RCN2: variants seen among roughly 807,000 people sequenced by gnomAD.
RCN2 encodes the protein reticulocalbin-2.
Under a neutral mutation model 37.5 loss-of-function variants are expected in RCN2, and 23 were observed. That is an observed-to-expected ratio of 0.61 (90% CI 0.44 to 0.87). The LOEUF is 0.87. Ranked by LOEUF, RCN2 falls within the 40% of genes least tolerant of loss-of-function variation. The pLI, the probability that RCN2 is intolerant of heterozygous loss-of-function variation, is 0.00. For missense variants in RCN2, 381 were observed against 390.4 expected (o/e 0.98, Z 0.20); for synonymous variants, 140 against 144.6 (o/e 0.97, Z 0.23).
intron 4 of RCN2, 146 bp downstream of exon 4, chr15:76,944,017 G>C (rs1217899088): frequency 7.4e-6 from 3 of 403,856 alleles, no homozygotes; most frequent in African/African-American, 7.1e-5. Flanking sequence ...TTTTGAGACG[G>C]AGTATCGCTC....
rs1206223765 is a variant in RCN2 at position 76,950,197 on chromosome 15, G to T, written c.*975G>T. The T allele has an allele frequency of 6.6e-6, 1 of 151,954 alleles. No individual in the cohort carries two copies. The highest frequency in any genetic ancestry group is 2.4e-5 in the African/African-American group (1 of 41,350). The allele number at this position is 151,954 out of a possible 1,614,324, so 9.4% of individuals were successfully genotyped here. A position where few individuals can be genotyped will look rare whatever the true frequency, so the allele number is the denominator to read the frequency against. On this transcript the variant is annotated 3_prime_UTR_variant, in exon 7 of 7. Coordinates refer to ENST00000394885, the MANE Select transcript of RCN2 (RefSeq NM_002902.3). ...CAGGTTGGAATTACCAATAGAGCTG[G>T]TCAGTTATCAACAGTAGAGCTCAGT...
At chr15:76,943,737 G>C (rs1351939202) in intron 3 of RCN2, 21 bp from the exon 4 acceptor site, 1 of 1,357,920 alleles carries the variant, frequency 7.4e-7, no homozygotes, top group Admixed American at 1.8e-5. Flanking sequence ...GTATACTAAT[G>C]AGAAATTTTA....
Position 76,953,603 on chromosome 15 carries a change from T to A in RCN2, c.*4381T>A, listed in dbSNP as rs1320602877. 6.0e-4 allele frequency: 39 copies of A among 65,096 alleles called. No homozygotes were observed. The highest frequency in any genetic ancestry group is 1.3e-3 in the South Asian group (2 of 1,504). 4.0% of individuals were successfully genotyped at this position (65,096 alleles called of 1,614,324 possible). A position where few individuals can be genotyped will look rare whatever the true frequency, so the allele number is the denominator to read the frequency against. The stretch of plus-strand genomic sequence containing the variant: ...TATATATATATATATATTTTTTTTT[T>A]TTTTTTTTTTTTTTTTTTTTTTGAG... On this transcript the variant is annotated 3_prime_UTR_variant, in exon 7 of 7. Coordinates refer to ENST00000394885, the MANE Select transcript of RCN2 (RefSeq NM_002902.3).
chr15:76,948,491 T>A lies in RCN2; in HGVS notation c.740T>A (p.Leu247His). ...NDYDKDNDGR[L>H]DPQELLPWVV... is the part of the protein sequence containing the mutation. ...TATGACAAAGATAACGATGGCAGGC[T>A]TGATCCCCAAGAGCTGTTACCTTGG... Residue 247 changes from leucine to histidine, a missense_variant, in exon 6 of 7, where the codon CTT becomes CAT. Transcript: ENST00000394885. 1 of 1,609,814 alleles carries A rather than the reference T, an allele frequency of 6.2e-7. No homozygotes were observed. Among genetic ancestry groups the A allele is most frequent in the Non-Finnish European group, 8.5e-7 (1 of 1,177,448 alleles).
intron 6 of RCN2, 132 bp downstream of exon 6, chr15:76,948,684 T>C (rs2075306552): frequency 2.4e-6 from 2 of 834,500 alleles, no homozygotes; most frequent in Admixed American, 6.5e-5. Context: ...TGCATTACTA[T>C]GTTTTGAATT....
rs1289425922 is a variant in RCN2, at chr15:76,931,962, C to G, written c.121C>G (p.Arg41Gly). The change falls in exon 1 of 7, where the codon CGC becomes GGC. Residue 41 changes from arginine to glycine, a missense_variant. Transcript: ENST00000394885. ...GGGCGAGCGCCGCAGCGACTACGAC[C>G]GCGAGGCGCTGCTGGGCGTCCAGGT... The part of the protein sequence containing the change: ...PLGERRSDYD[R>G]EALLGVQEDV... The G allele has an allele frequency of 7.8e-7, 1 of 1,274,634 alleles. No homozygotes were observed. The highest frequency in any genetic ancestry group is 1.6e-5 in the African/African-American group (1 of 63,986). 79.0% of individuals were successfully genotyped at this position (1,274,634 alleles called of 1,614,324 possible). A position where few individuals can be genotyped will look rare whatever the true frequency, so the allele number is the denominator to read the frequency against.
chr15:76,949,168 C>G lies in RCN2; in HGVS notation c.900C>G (p.Ala300=). Residue 300 remains alanine, a synonymous_variant, in exon 7 of 7, where the codon GCC becomes GCG. Transcript: ENST00000394885. ...CGGACTTGTTTCTCACCAGTGAAGC[C>G]ACAGATTATGGCAGACAGCTCCATG... ...ENPDLFLTSE[A]TDYGRQLHDD... is the part of the protein sequence containing the mutation. 6.2e-7 allele frequency: 1 copy of G among 1,613,022 alleles called. No individual in the cohort carries two copies. The highest frequency in any genetic ancestry group is 8.5e-7 in the Non-Finnish European group (1 of 1,179,560).
rs1458742852 is a variant in RCN2 at position 76,950,275 on chromosome 15, A to T, written c.*1053A>T. The T allele has an allele frequency of 6.8e-6, 1 of 147,584 alleles. No individual in the cohort carries two copies. The highest frequency in any genetic ancestry group is 1.5e-5 in the Non-Finnish European group (1 of 66,460). 9.1% of individuals were successfully genotyped at this position (147,584 alleles called of 1,614,324 possible). On this transcript the variant is annotated 3_prime_UTR_variant, in exon 7 of 7. Transcript: ENST00000394885. The stretch of plus-strand genomic sequence containing the variant: ...CTTGATAAGCATGATAATCAATTTT[A>T]ACCTAATTCAGCAGGTCAACTTATT...
chr15:76,951,978 A>G lies in RCN2; in HGVS notation c.*2756A>G, dbSNP rs898102408. 1 of 151,942 alleles carries G rather than the reference A, an allele frequency of 6.6e-6. No homozygotes were observed. Among genetic ancestry groups the G allele is most frequent in the African/African-American group, 2.4e-5 (1 of 41,366 alleles). The allele number at this position is 151,942 out of a possible 1,614,324, so 9.4% of individuals were successfully genotyped here. On this transcript the variant is annotated 3_prime_UTR_variant, in exon 7 of 7. Transcript: ENST00000394885. ...GGACGTTCAGAGGAAAAGCTAGCATATCATGTTTGCCTTACTTAGTTCTTT... is the reference window on the plus strand; with the variant it reads ...GGACGTTCAGAGGAAAAGCTAGCATGTCATGTTTGCCTTACTTAGTTCTTT...
At position 76,953,664 on chromosome 15, in the gene RCN2, G is replaced by A. The variant is rs1389567875; in HGVS notation, c.*4442G>A. On this transcript the variant is annotated 3_prime_UTR_variant, in exon 7 of 7. Coordinates refer to ENST00000394885, the MANE Select transcript of RCN2 (RefSeq NM_002902.3). ...GCTCTGTCGCCCAGGCTGGAGTGCA[G>A]TGGCGCGATCTCGGCTCACTGCAGG... is the stretch of plus-strand genomic sequence containing the variant. 1.6e-5 allele frequency: 2 copies of A among 128,952 alleles called. No homozygotes were observed. Among genetic ancestry groups the A allele is most frequent in the Non-Finnish European group, 3.1e-5 (2 of 63,870 alleles). The allele number at this position is 128,952 out of a possible 1,614,324, so 8.0% of individuals were successfully genotyped here.
At chr15:76,932,894 C>G (rs902483702) in intron 2 of RCN2, among the ~76,000 whole-genome samples, 2 of 152,028 alleles carry the variant, frequency 1.3e-5, no homozygotes, top group Non-Finnish European at 2.9e-5. Flanking sequence ...CTGTGAATTA[C>G]GTTTATTATA....
In RCN2 at chr15:76,954,271, AC is replaced by A. The variant is rs1568463883; in HGVS notation, c.*5050del. The A allele has an allele frequency of 1.3e-5, 2 of 152,126 alleles. No individual in the cohort carries two copies. Among genetic ancestry groups the A allele is most frequent in the Non-Finnish European group, 2.9e-5 (2 of 68,032 alleles). The allele number at this position is 152,126 out of a possible 1,614,324, so 9.4% of individuals were successfully genotyped here. A position where few individuals can be genotyped will look rare whatever the true frequency, so the allele number is the denominator to read the frequency against. On this transcript the variant is annotated 3_prime_UTR_variant, in exon 7 of 7. Coordinates refer to ENST00000394885, the MANE Select transcript of RCN2 (RefSeq NM_002902.3). ...GAGTGAGAAATGTCAACTCAAACTTACACTTTTTCACTTAGGAAGATGATTT... is the reference window on the plus strand; with the variant it reads ...GAGTGAGAAATGTCAACTCAAACTTAACTTTTTCACTTAGGAAGATGATTT...
Position 76,943,808 on chromosome 15 carries a change from TC to T in RCN2, c.501del (p.Gly168ValfsTer2). The stretch of plus-strand genomic sequence containing the variant: ...TTGAAAAAGCTAACCAGGATTCAGG[TC>T]CCGGTTTGAGTCTTGAAGAATTTAT... ...RFEKANQDSGPGLSLEEFIAF... is the reference protein window; with the variant it reads ...RFEKANQDSGXGLSLEEFIAF... On this transcript the variant is annotated frameshift_variant, in exon 4 of 7. Coordinates refer to ENST00000394885, the MANE Select transcript of RCN2 (RefSeq NM_002902.3). 1.2e-6 allele frequency: 2 copies of T among 1,610,184 alleles called. No homozygotes were observed. The highest frequency in any genetic ancestry group is 1.7e-6 in the Non-Finnish European group (2 of 1,177,218).
chr15:76,947,280 C>G, intron 4 of RCN2, 141 bp from the exon 5 acceptor site: 1 of 579,056 alleles, frequency 1.7e-6, no homozygotes, highest in South Asian at 2.3e-5. Context: ...TGTATAAGTA[C>G]CTTACTAGCT....
At position 76,931,975 on chromosome 15, in the gene RCN2, T is replaced by C; in HGVS notation, c.134T>C (p.Leu45Pro). ...AGCGACTACGACCGCGAGGCGCTGC[T>C]GGGCGTCCAGGTGAGGCGGCCAGGC... ...RRSDYDREAL[L>P]GVQEDVDEYV... The change falls in exon 1 of 7, where the codon CTG (leucine) becomes CCG (proline). Residue 45 changes from leucine to proline, a missense_variant. Coordinates refer to ENST00000394885, the MANE Select transcript of RCN2 (RefSeq NM_002902.3). 1 of 1,267,210 alleles carries C rather than the reference T, an allele frequency of 7.9e-7. No homozygotes were observed. Among genetic ancestry groups the C allele is most frequent in the East Asian group, 3.3e-5 (1 of 29,954 alleles). 78.5% of individuals were successfully genotyped at this position (1,267,210 alleles called of 1,614,324 possible). A position where few individuals can be genotyped will look rare whatever the true frequency, so the allele number is the denominator to read the frequency against.
intron 2 of RCN2, among the ~76,000 whole-genome samples, chr15:76,933,983 G>A (rs2075236235): frequency 1.3e-5 from 2 of 152,092 alleles, no homozygotes; most frequent in African/African-American, 4.8e-5. Context: ...TTCCTCACCT[G>A]TATAATAGTG....
In RCN2 at chr15:76,953,631, G is replaced by A. The variant is rs1382766342; in HGVS notation, c.*4409G>A. The A allele has an allele frequency of 4.9e-5, 3 of 61,382 alleles. No homozygotes were observed. The highest frequency in any genetic ancestry group is 6.4e-4 in the South Asian group (1 of 1,572). 3.8% of individuals were successfully genotyped at this position (61,382 alleles called of 1,614,324 possible). On this transcript the variant is annotated 3_prime_UTR_variant, in exon 7 of 7. Coordinates refer to ENST00000394885, the MANE Select transcript of RCN2 (RefSeq NM_002902.3). ...TTTTTTTTTTTTTTTTTTTTGAGAC[G>A]GAGTCTCGCTCTGTCGCCCAGGCTG...
chr15:76,932,173 C>T (rs1016471242), intron 1 of RCN2, among the ~76,000 whole-genome samples, 188 bp downstream of exon 1: 2 of 152,078 alleles, frequency 1.3e-5, no homozygotes, highest in Non-Finnish European at 2.9e-5. Context: ...ATAGCACGGC[C>T]CAAGAGCTGG....
At chr15:76,941,584 AAAAG>A (rs2075276643) in intron 3 of RCN2, 2 of 1,030,748 alleles carry the variant, frequency 1.9e-6, no homozygotes, top group East Asian at 2.6e-5. Context: ...ACAAGAAAAA[AAAAG>A]AGTGTTGAAG....
Sources: gnomAD v4.1 joint callset for allele counts (sites outside exome capture counted in the v4.1 genomes callset) on GRCh38, gnomAD v4.1.1 for gene constraint, MANE v1.5 for transcripts, NCBI Gene and HGNC (gene_info 2026-07-23, HGNC 2026-07-21) for gene names.